The following SPIDR variants were observed in gnomAD, a reference collection of about 807,000 sequenced individuals.
SPIDR encodes the protein DNA repair-scaffolding protein.
In SPIDR, 93 loss-of-function variants were observed where a neutral mutation model predicts 104.6. That is an observed-to-expected ratio of 0.89 (90% CI 0.75 to 1.06). The LOEUF (loss-of-function observed/expected upper bound fraction) is 1.06. Ranked by LOEUF, SPIDR falls within the 50% of genes least tolerant of loss-of-function variation. SPIDR has a pLI of 0.00. For missense variants in SPIDR, 1,154 were observed against 1,111.2 expected, an observed-to-expected ratio of 1.04 and a Z score of -0.55; for synonymous variants, 431 against 416.9, an observed-to-expected ratio of 1.03 and a Z score of -0.41.
chr8:47,415,060 C>T (rs553597818), intron 7 of SPIDR, among the ~76,000 whole-genome samples: 13 of 152,166 alleles, frequency 8.5e-5, no homozygotes, highest in East Asian at 1.9e-4. Flanking sequence ...CCCGCCACCA[C>T]GCCTGGCTAA....
chr8:47,550,377 A>T (rs1587606697), intron 8 of SPIDR, among the ~76,000 whole-genome samples: 2 of 152,124 alleles, frequency 1.3e-5, no homozygotes, highest in Non-Finnish European at 2.9e-5. Flanking sequence ...TTTTCACGAT[A>T]TTGATTCTTC....
chr8:47,567,989 C>T (rs570891807), intron 8 of SPIDR, among the ~76,000 whole-genome samples: 61 of 151,908 alleles, frequency 4.0e-4, no homozygotes, highest in African/African-American at 1.4e-3. Flanking sequence ...CGGTCTCATA[C>T]TGGCTTTGAA....
intron 8 of SPIDR, among the ~76,000 whole-genome samples, chr8:47,592,911 A>G (rs1227523836): frequency 6.6e-6 from 1 of 151,408 alleles, no homozygotes; most frequent in Non-Finnish European, 1.5e-5. Flanking sequence ...TTTGAAGAGG[A>G]GTTTTGCTTT....
chr8:47,442,510 T>C (rs1468623653), intron 8 of SPIDR, among the ~76,000 whole-genome samples: 2 of 152,214 alleles, frequency 1.3e-5, no homozygotes, highest in African/African-American at 2.4e-5. Flanking sequence ...AGGGTTCTGA[T>C]GTGATGCTCC....
intron 8 of SPIDR, among the ~76,000 whole-genome samples, chr8:47,555,417 A>G (rs2091201095): frequency 6.6e-6 from 1 of 152,202 alleles, no homozygotes; most frequent in African/African-American, 2.4e-5. Flanking sequence ...TTGCATCACT[A>G]AAATCTCACT....
chr8:47,395,671 T>C, intron 5 of SPIDR, among the ~76,000 whole-genome samples: 1 of 152,160 alleles, frequency 6.6e-6, no homozygotes, highest in East Asian at 1.9e-4. Flanking sequence ...ATATAATTTT[T>C]TTTCTTTTTT....
intron 8 of SPIDR, among the ~76,000 whole-genome samples, chr8:47,546,232 G>A (rs1205000985): frequency 6.6e-6 from 1 of 151,616 alleles, no homozygotes; most frequent in East Asian, 1.9e-4. Context: ...AGGTGTCTGA[G>A]CCTGGAGATA....
At chr8:47,472,350 C>T (rs142501306) in intron 8 of SPIDR, among the ~76,000 whole-genome samples, 4 of 152,322 alleles carry the variant, frequency 2.6e-5, no homozygotes, top group African/African-American at 9.6e-5. Context: ...TTGTGTCTGA[C>T]TGACCTGAAG....
chr8:47,608,849 G>A lies in SPIDR; in HGVS notation c.1544+9653G>A, dbSNP rs568405820. 1.8e-4 allele frequency among the ~76,000 whole-genome samples: 28 copies of A among 152,246 alleles called. No individual in the cohort carries two copies. In the East Asian group the frequency reaches 4.6e-3, roughly 25 times the overall value. On this transcript the variant is annotated intron_variant, in intron 10 of 19. Transcript: ENST00000297423. ...GGCGATTCTTCTGCCTCAGCCTCCCGAGTAGCTGGGACTACACGTGCGTGT... is the reference window on the plus strand; with the variant it reads ...GGCGATTCTTCTGCCTCAGCCTCCCAAGTAGCTGGGACTACACGTGCGTGT...
intron 14 of SPIDR, among the ~76,000 whole-genome samples, chr8:47,709,034 G>A (rs534648185): frequency 3.2e-4 from 48 of 151,346 alleles, no homozygotes; most frequent in South Asian, 1.3e-3. Context: ...ATGGAGTGAC[G>A]CAATCTTGGC....
At chr8:47,583,698 A>G (rs1039882346) in intron 8 of SPIDR, among the ~76,000 whole-genome samples, 7 of 152,170 alleles carry the variant, frequency 4.6e-5, no homozygotes, top group Non-Finnish European at 8.8e-5. Flanking sequence ...CAGAACATGA[A>G]TTTTTTCTGC....
intron 5 of SPIDR, among the ~76,000 whole-genome samples, chr8:47,358,686 C>A (rs2055071303): frequency 6.6e-6 from 1 of 152,200 alleles, no homozygotes; most frequent in Non-Finnish European, 1.5e-5. Context: ...TGGATTGTCT[C>A]ATTAAAATTT....
intron 11 of SPIDR, among the ~76,000 whole-genome samples, chr8:47,687,625 C>T (rs1006087591): frequency 6.6e-6 from 1 of 152,230 alleles, no homozygotes; most frequent in African/African-American, 2.4e-5. Flanking sequence ...AAAGCTCACT[C>T]ATTAAGCCAC....
intron 5 of SPIDR, among the ~76,000 whole-genome samples, chr8:47,394,679 A>G (rs1032212360): frequency 1.1e-4 from 17 of 152,214 alleles, no homozygotes; most frequent in African/African-American, 4.1e-4. Flanking sequence ...ATTTTATGGT[A>G]CTTAAGACAT....
intron 5 of SPIDR, among the ~76,000 whole-genome samples, chr8:47,381,738 C>A (rs190733816): frequency 6.6e-6 from 1 of 152,240 alleles, no homozygotes; most frequent in South Asian, 2.1e-4. Context: ...TCAGCTGGAC[C>A]TGCCCCACGT....
intron 10 of SPIDR, among the ~76,000 whole-genome samples, chr8:47,651,932 A>C (rs1313488356): frequency 6.6e-6 from 1 of 152,160 alleles, no homozygotes; most frequent in East Asian, 1.9e-4. Context: ...AAAGTGATAT[A>C]ATGCACTACA....
chr8:47,446,300 A>G (rs782558899), intron 8 of SPIDR, among the ~76,000 whole-genome samples: 17 of 152,226 alleles, frequency 1.1e-4, no homozygotes, highest in South Asian at 2.1e-4. Flanking sequence ...CTTGTGCTCT[A>G]TAAATGGAAC....
chr8:47,608,863 A>C (rs535756380), intron 10 of SPIDR, among the ~76,000 whole-genome samples: 1 of 152,178 alleles, frequency 6.6e-6, no homozygotes, highest in African/African-American at 2.4e-5. Context: ...AGCTGGGACT[A>C]CACGTGCGTG....
chr8:47,458,602 C>T (rs1463385205), intron 8 of SPIDR, among the ~76,000 whole-genome samples: 1 of 151,762 alleles, frequency 6.6e-6, no homozygotes, highest in African/African-American at 2.4e-5. Flanking sequence ...GTCTGACTTC[C>T]TCTTTACTGA....
Sources: allele counts gnomAD v4.1 joint callset (sites outside exome capture counted in the v4.1 genomes callset), GRCh38; gene constraint gnomAD v4.1.1; transcripts MANE v1.5; gene names NCBI Gene and HGNC (gene_info 2026-07-23, HGNC 2026-07-21).